The following OR2A25 variants were observed in gnomAD, a reference collection of about 807,000 sequenced individuals.
OR2A25 encodes the protein olfactory receptor 2A25.
For missense variants in OR2A25, 362 were observed against 368.3 expected (o/e 0.98, Z 0.14); for synonymous variants, 162 against 148.1 (o/e 1.09, Z -0.68).
In OR2A25 at chr7:144,074,882, A is replaced by G; in HGVS notation, c.663A>G (p.Leu221=). The change falls in exon 2 of 2, where the codon CTA becomes CTG. Residue 221 remains leucine, a synonymous_variant. Transcript: ENST00000641663. Reference sequence around the variant, plus strand: ...CTGTAATATCTTATGTTCATATTCTATGTGCCATTCTAAAGATCCAGTCAG... The same window carrying G: ...CTGTAATATCTTATGTTCATATTCTGTGTGCCATTCTAAAGATCCAGTCAG... ...FSTVISYVHI[L]CAILKIQSGE... 3 of 1,613,968 alleles carry G rather than the reference A, an allele frequency of 1.9e-6. No individual in the cohort carries two copies. The highest frequency in any genetic ancestry group is 2.5e-6 in the Non-Finnish European group (3 of 1,180,024).
Position 144,075,204 on chromosome 7 carries a change from T to C in OR2A25, c.*52T>C. ...GGCTTCAAAGGGCTTTGAGATTACA[T>C]CTGAACCCATCCCTACTCAGGATAC... On this transcript the variant is annotated 3_prime_UTR_variant, in exon 2 of 2. Transcript: ENST00000641663. 8.0e-7 allele frequency: 1 copy of C among 1,248,788 alleles called. No individual in the cohort carries two copies. The allele number at this position is 1,248,788 out of a possible 1,614,324, so 77.4% of individuals were successfully genotyped here.
Position 144,074,320 on chromosome 7 carries a change from A to G in OR2A25, c.101A>G (p.Tyr34Cys), listed in dbSNP as rs777694511. 65 of 1,613,762 alleles carry G rather than the reference A, an allele frequency of 4.0e-5. No individual in the cohort carries two copies. Among genetic ancestry groups the G allele is most frequent in the Non-Finnish European group, 5.2e-5 (61 of 1,179,924 alleles). ...MLLFGLFSLFYIFILLGNGTI... is the reference protein window; with the variant it reads ...MLLFGLFSLFCIFILLGNGTI... ...CTCTTTGGGCTCTTCTCCCTGTTCT[A>G]CATCTTCATTCTGTTGGGGAACGGG... The change falls in exon 2 of 2, where the codon TAC (tyrosine) becomes TGC (cysteine). Residue 34 changes from tyrosine (Y) to cysteine (C), a missense_variant. Transcript: ENST00000641663.
At position 144,075,428 on chromosome 7, in the gene OR2A25, G is replaced by A. The variant is rs1014965915; in HGVS notation, c.*276G>A. 1.2e-5 allele frequency: 3 copies of A among 258,334 alleles called. No homozygotes were observed. The highest frequency in any genetic ancestry group is 2.2e-5 in the Non-Finnish European group (3 of 136,286). 16.0% of individuals were successfully genotyped at this position (258,334 alleles called of 1,614,324 possible). On this transcript the variant is annotated 3_prime_UTR_variant, in exon 2 of 2. Transcript: ENST00000641663. ...AATATTCTGAAAGTTGGAAATAAAT[G>A]TGTATCTTTTTGTTCTGTAAATAAG...
chr7:144,074,575 A>G lies in OR2A25; in HGVS notation c.356A>G (p.Tyr119Cys), dbSNP rs377302946. 51 of 1,614,140 alleles carry G rather than the reference A, an allele frequency of 3.2e-5. 1 individual carries two copies. The highest frequency in any genetic ancestry group is 2.8e-4 in the African/African-American group (21 of 75,042). Residue 119 changes from tyrosine to cysteine, a missense_variant, in exon 2 of 2, where the codon TAT (tyrosine) becomes TGT (cysteine). By Grantham distance (194) the Tyr-to-Cys change is radical. Transcript: ENST00000641663. ...TGTCTCCTCCTGGTGGTGATGTCCT[A>G]TGATCGGTACGTGGCCATCTGCCAC... is the stretch of plus-strand genomic sequence containing the variant. The part of the protein sequence containing the change: ...TECLLLVVMS[Y>C]DRYVAICHPL...
In OR2A25 at chr7:144,075,655, C is replaced by G. The variant is rs2051107816; in HGVS notation, c.*503C>G. 6.6e-6 allele frequency: 1 copy of G among 152,036 alleles called. No individual in the cohort carries two copies. The highest frequency in any genetic ancestry group is 1.5e-5 in the Non-Finnish European group (1 of 68,244). 9.4% of individuals were successfully genotyped at this position (152,036 alleles called of 1,614,324 possible). A position where few individuals can be genotyped will look rare whatever the true frequency, so the allele number is the denominator to read the frequency against. ...CCATCTTGGCTAACACGGTGAAACCCCGTTTCTACTAAAAATACAAAAAAT... is the reference window on the plus strand; with the variant it reads ...CCATCTTGGCTAACACGGTGAAACCGCGTTTCTACTAAAAATACAAAAAAT... On this transcript the variant is annotated 3_prime_UTR_variant, in exon 2 of 2. Coordinates refer to ENST00000641663, the MANE Select transcript of OR2A25 (RefSeq NM_001386096.1).
intron 1 of OR2A25, among the ~76,000 whole-genome samples, chr7:144,070,850 G>C (rs925036272): frequency 4.3e-4 from 66 of 151,852 alleles, no homozygotes; most frequent in African/African-American, 1.6e-3. Context: ...TACATAGTAG[G>C]TGTATATATT....
chr7:144,071,026 AAG>A (rs2051062422), intron 1 of OR2A25, among the ~76,000 whole-genome samples: 1 of 152,024 alleles, frequency 6.6e-6, no homozygotes, highest in Non-Finnish European at 1.5e-5. Flanking sequence ...TGTGAATGTA[AAG>A]AATTACATTC....
chr7:144,071,480 A>G (rs1226510578), intron 1 of OR2A25, among the ~76,000 whole-genome samples: 3 of 152,132 alleles, frequency 2.0e-5, no homozygotes, highest in Non-Finnish European at 4.4e-5. Context: ...GCTGCAACAT[A>G]GGAGTGCAGA....
chr7:144,074,588 G>A lies in OR2A25; in HGVS notation c.369G>A (p.Val123=), dbSNP rs766711650. 1 of 1,614,152 alleles carries A rather than the reference G, an allele frequency of 6.2e-7. No homozygotes were observed. Among genetic ancestry groups the A allele is most frequent in the Non-Finnish European group, 8.5e-7 (1 of 1,180,030 alleles). Residue 123 remains valine (V), a synonymous_variant, in exon 2 of 2, where the codon GTG becomes GTA. Transcript: ENST00000641663. ...LLVVMSYDRY[V]AICHPLRYST... ...TGGTGATGTCCTATGATCGGTACGTGGCCATCTGCCACCCTCTCCGATATT... is the reference window on the plus strand; with the variant it reads ...TGGTGATGTCCTATGATCGGTACGTAGCCATCTGCCACCCTCTCCGATATT...
chr7:144,074,388 C>T lies in OR2A25; in HGVS notation c.169C>T (p.Pro57Ser). The T allele has an allele frequency of 6.2e-7, 1 of 1,614,164 alleles. No homozygotes were observed. Among genetic ancestry groups the T allele is most frequent in the Non-Finnish European group, 8.5e-7 (1 of 1,180,012 alleles). Reference protein sequence around the residue: ...LISLDSRLHTPMYFFLSHLAV... With the variant: ...LISLDSRLHTSMYFFLSHLAV... ...CTCACTGGACTCCAGACTCCACACCCCCATGTACTTCTTCCTCTCACACCT... is the reference window on the plus strand; with the variant it reads ...CTCACTGGACTCCAGACTCCACACCTCCATGTACTTCTTCCTCTCACACCT... Residue 57 changes from proline to serine, a missense_variant, in exon 2 of 2, where the codon CCC (proline) becomes TCC (serine). By Grantham distance (74) the Pro-to-Ser change is moderately conservative (BLOSUM62 -1). Transcript: ENST00000641663.
In OR2A25 at chr7:144,074,274, G is replaced by A; in HGVS notation, c.55G>A (p.Gly19Ser). The A allele has an allele frequency of 6.2e-7, 1 of 1,613,928 alleles. No homozygotes were observed. ...GTTCCTCCTACTGGGATTTCCCATTGGCCCAAGGATTCAGATGCTCCTCTT... is the reference window on the plus strand; with the variant it reads ...GTTCCTCCTACTGGGATTTCCCATTAGCCCAAGGATTCAGATGCTCCTCTT... ...TEFLLLGFPI[G>S]PRIQMLLFGL... The change falls in exon 2 of 2, where the codon GGC becomes AGC. Residue 19 changes from glycine (G) to serine (S), a missense_variant. Coordinates refer to ENST00000641663, the MANE Select transcript of OR2A25 (RefSeq NM_001386096.1).
At position 144,075,439 on chromosome 7, in the gene OR2A25, T is replaced by A. The variant is rs998987009; in HGVS notation, c.*287T>A. ...AGTTGGAAATAAATGTGTATCTTTT[T>A]GTTCTGTAAATAAGACTTGAAGGCG... On this transcript the variant is annotated 3_prime_UTR_variant, in exon 2 of 2. Coordinates refer to ENST00000641663, the MANE Select transcript of OR2A25 (RefSeq NM_001386096.1). 1 of 238,076 alleles carries A rather than the reference T, an allele frequency of 4.2e-6. No individual in the cohort carries two copies. Among genetic ancestry groups the A allele is most frequent in the Non-Finnish European group, 8.1e-6 (1 of 123,042 alleles). 14.7% of individuals were successfully genotyped at this position (238,076 alleles called of 1,614,324 possible). A position where few individuals can be genotyped will look rare whatever the true frequency, so the allele number is the denominator to read the frequency against.
In OR2A25 at chr7:144,075,165, A is replaced by G; in HGVS notation, c.*13A>G. ...GAGAACTTCATGAAAGCCTGAAAGA[A>G]TAGTAAAATAGCTGGCTTCAAAGGG... is the stretch of plus-strand genomic sequence containing the variant. On this transcript the variant is annotated 3_prime_UTR_variant, in exon 2 of 2. Coordinates refer to ENST00000641663, the MANE Select transcript of OR2A25 (RefSeq NM_001386096.1). 1 of 1,578,360 alleles carries G rather than the reference A, an allele frequency of 6.3e-7. No homozygotes were observed. Among genetic ancestry groups the G allele is most frequent in the Non-Finnish European group, 8.6e-7 (1 of 1,156,730 alleles).
intron 1 of OR2A25, chr7:144,070,286 A>T (rs746766353): frequency 1.7e-4 from 26 of 152,126 alleles, no homozygotes; most frequent in Admixed American, 1.2e-3. Context: ...GGAATGAAAG[A>T]GTTTCAACAC....
intron 1 of OR2A25, 170 bp from the exon 2 acceptor site, chr7:144,074,046 C>T (rs2051087613): frequency 1.6e-6 from 1 of 630,786 alleles, no homozygotes; most frequent in African/African-American, 1.8e-5. Flanking sequence ...ACAAAATGTC[C>T]TTGTGCTTCA....
chr7:144,072,914 A>G (rs867492132), intron 1 of OR2A25, among the ~76,000 whole-genome samples: 5 of 152,308 alleles, frequency 3.3e-5, no homozygotes, highest in South Asian at 2.1e-4. Context: ...GCCATGTAAA[A>G]GAATAAAATC....
At chr7:144,073,585 A>C (rs1242098217) in intron 1 of OR2A25, among the ~76,000 whole-genome samples, 1 of 152,188 alleles carries the variant, frequency 6.6e-6, no homozygotes, top group African/African-American at 2.4e-5. Flanking sequence ...GACAACACAA[A>C]CAGAGTAGAC....
At chr7:144,073,691 T>C (rs2051084415) in intron 1 of OR2A25, among the ~76,000 whole-genome samples, 1 of 152,222 alleles carries the variant, frequency 6.6e-6, no homozygotes, top group African/African-American at 2.4e-5. Flanking sequence ...TTCAAGATTA[T>C]GCAATCAGTA....
At position 144,074,841 on chromosome 7, in the gene OR2A25, G is replaced by A. The variant is rs190418341; in HGVS notation, c.622G>A (p.Gly208Arg). ...GGCAGGGGCAGTGTCTGTGCTGGTG[G>A]GAGCCTTCTTTTCCACTGTAATATC... The part of the protein sequence containing the change: ...VLAGAVSVLV[G>R]AFFSTVISYV... Residue 208 changes from glycine (G) to arginine (R), a missense_variant, in exon 2 of 2, where the codon GGA (glycine) becomes AGA (arginine). Physicochemically the swap from Gly to Arg is moderately radical, Grantham distance 125. Coordinates refer to ENST00000641663, the MANE Select transcript of OR2A25 (RefSeq NM_001386096.1). The A allele has an allele frequency of 2.1e-3, 3,378 of 1,614,118 alleles. 8 individuals carry two copies. The highest frequency in any genetic ancestry group is 3.9e-3 in the Admixed American group (236 of 60,026).
Sources: gnomAD v4.1 joint callset for allele counts (sites outside exome capture counted in the v4.1 genomes callset) on GRCh38, gnomAD v4.1.1 for gene constraint, MANE v1.5 for transcripts, NCBI Gene and HGNC (gene_info 2026-07-23, HGNC 2026-07-21) for gene names.